The following ZC3H12B variants were observed in gnomAD, a reference collection of about 807,000 sequenced individuals.
The protein encoded by ZC3H12B is probable ribonuclease ZC3H12B.
ZC3H12B carries 7 observed loss-of-function variants against 43.9 expected under a neutral mutation model. That is an observed-to-expected ratio of 0.16 (90% CI 0.09 to 0.30). The LOEUF is 0.30. Ranked by LOEUF, ZC3H12B falls within the 10% of genes least tolerant of loss-of-function variation. ZC3H12B has a pLI of 1.00. For synonymous variants in ZC3H12B, 222 were observed against 241.7 expected, an observed-to-expected ratio of 0.92 and a Z score of 0.76; for missense variants, 475 against 670.2, an observed-to-expected ratio of 0.71 and a Z score of 3.22.
the ZC3H12B span, among the ~76,000 whole-genome samples, chrX:65,293,464 G>T: frequency 3.6e-5 from 4 of 110,240 alleles, no homozygotes; most frequent in Non-Finnish European, 7.6e-5. Flanking sequence ...CACCCCGAGA[G>T]ATCACAGTAG....
the ZC3H12B span, among the ~76,000 whole-genome samples, chrX:65,138,844 G>A: frequency 3.6e-5 from 4 of 112,027 alleles, no homozygotes; most frequent in Non-Finnish European, 7.5e-5. Context: ...AATTAGTGAT[G>A]TAGATCACCT....
At chrX:65,263,645 C>A in the ZC3H12B span, among the ~76,000 whole-genome samples, 1 of 110,862 alleles carries the variant, frequency 9.0e-6, no homozygotes, top group African/African-American at 3.3e-5. Context: ...TTTTAATATG[C>A]AGGTAATCTG....
the ZC3H12B span, among the ~76,000 whole-genome samples, chrX:65,291,927 G>A: frequency 1.8e-5 from 2 of 111,660 alleles, no homozygotes; most frequent in South Asian, 3.7e-4. Context: ...AGGGATAAAA[G>A]GGAGCATTAA....
At chrX:65,230,858 A>T in the ZC3H12B span, among the ~76,000 whole-genome samples, 1 of 111,925 alleles carries the variant, frequency 8.9e-6, no homozygotes, top group Non-Finnish European at 1.9e-5. Flanking sequence ...ACTCATTATC[A>T]AAAGTAACTA....
chrX:65,200,208 G>T, the ZC3H12B span, among the ~76,000 whole-genome samples: 1 of 110,998 alleles, frequency 9.0e-6, no homozygotes, highest in African/African-American at 3.3e-5. Flanking sequence ...GATCAGTGAT[G>T]TTGAGGTTCT....
the ZC3H12B span, among the ~76,000 whole-genome samples, chrX:65,106,167 A>G: frequency 8.9e-6 from 1 of 111,782 alleles, no homozygotes; most frequent in Non-Finnish European, 1.9e-5. Context: ...ATTTTCATAA[A>G]GAAATGAACT....
At chrX:65,385,897 G>A (rs1236266413) in intron 2 of ZC3H12B, among the ~76,000 whole-genome samples, 3 of 112,332 alleles carry the variant, frequency 2.7e-5, no homozygotes, top group Non-Finnish European at 5.6e-5. Context: ...CATTTATTGA[G>A]ATAATCATGT....
the ZC3H12B span, among the ~76,000 whole-genome samples, chrX:65,212,461 G>A: frequency 8.3e-4 from 46 of 55,099 alleles, no homozygotes; most frequent in Non-Finnish European, 1.2e-3. Flanking sequence ...TATATAATAT[G>A]TAATATAATT....
intron 3 of ZC3H12B, among the ~76,000 whole-genome samples, chrX:65,409,245 T>A (rs2066873762): frequency 9.0e-6 from 1 of 110,583 alleles, no homozygotes; most frequent in Non-Finnish European, 1.9e-5. Context: ...GTATTAGGAA[T>A]GTGCAATGAC....
the ZC3H12B span, among the ~76,000 whole-genome samples, chrX:65,281,043 T>C: frequency 2.7e-5 from 3 of 111,142 alleles, no homozygotes; most frequent in African/African-American, 9.8e-5. Flanking sequence ...AAAATTTGTA[T>C]GGAACCACAA....
chrX:65,426,092 T>TC (rs1432576472), intron 3 of ZC3H12B, among the ~76,000 whole-genome samples: 2 of 105,661 alleles, frequency 1.9e-5, no homozygotes, highest in African/African-American at 7.1e-5. Flanking sequence ...CTTATCCTGT[T>TC]TTTTTTTTTT....
At chrX:65,069,789 G>T in the ZC3H12B span, among the ~76,000 whole-genome samples, 4 of 112,160 alleles carry the variant, frequency 3.6e-5, no homozygotes, top group Admixed American at 3.8e-4. Context: ...CTGCATCCCA[G>T]GGATGAAGCC....
At chrX:65,219,595 C>G in the ZC3H12B span, among the ~76,000 whole-genome samples, 1 of 110,959 alleles carries the variant, frequency 9.0e-6, no homozygotes. Context: ...TTAACCCAGT[C>G]CAACAAAGAC....
At chrX:65,041,424 A>C in the ZC3H12B span, among the ~76,000 whole-genome samples, 1 of 112,026 alleles carries the variant, frequency 8.9e-6, no homozygotes, top group Non-Finnish European at 1.9e-5. Context: ...ATAAGTTATA[A>C]GAAGGGAGGA....
At chrX:65,416,492 C>T (rs1175839979) in intron 3 of ZC3H12B, among the ~76,000 whole-genome samples, 2 of 110,719 alleles carry the variant, frequency 1.8e-5, no homozygotes, top group Non-Finnish European at 3.8e-5. Context: ...ATTAGAAATG[C>T]AAAATCGGGC....
chrX:65,374,801 G>A (rs999130595), intron 2 of ZC3H12B, among the ~76,000 whole-genome samples: 4 of 111,034 alleles, frequency 3.6e-5, no homozygotes, highest in African/African-American at 1.3e-4. Flanking sequence ...TCTTCACATG[G>A]CAGCAGCAAG....
chrX:65,282,163 A>G, the ZC3H12B span, among the ~76,000 whole-genome samples: 2 of 111,077 alleles, frequency 1.8e-5, no homozygotes, highest in African/African-American at 6.5e-5. Context: ...AGAAAGCAAA[A>G]TCTTAGCCAG....
the ZC3H12B span, among the ~76,000 whole-genome samples, chrX:65,310,060 C>T: frequency 7.2e-5 from 8 of 111,571 alleles, no homozygotes; most frequent in African/African-American, 2.6e-4. Flanking sequence ...ATGGGCAAAA[C>T]CTGGAAGCAT....
chrX:65,050,653 A>G, the ZC3H12B span, among the ~76,000 whole-genome samples: 4 of 111,454 alleles, frequency 3.6e-5, no homozygotes, highest in Non-Finnish European at 7.6e-5. Flanking sequence ...TTTGTCAAAA[A>G]ATATTTCTGT....
Sources: allele counts gnomAD v4.1 joint callset (sites outside exome capture counted in the v4.1 genomes callset), GRCh38; gene constraint gnomAD v4.1.1; transcripts MANE v1.5; gene names NCBI Gene and HGNC (gene_info 2026-07-23, HGNC 2026-07-21).